The following ATXN7 variants were observed in gnomAD, a reference collection of about 807,000 sequenced individuals.
ATXN7 encodes ataxin-7.
In ATXN7, 12 loss-of-function variants were observed where a neutral mutation model predicts 70.5. That is an observed-to-expected ratio of 0.17 (90% CI 0.11 to 0.28). The LOEUF (loss-of-function observed/expected upper bound fraction) is 0.28, where lower values mean the gene tolerates loss of function less well. Ranked by LOEUF, ATXN7 falls within the 10% of genes least tolerant of loss-of-function variation. ATXN7 has a pLI of 1.00. For synonymous variants in ATXN7, 498 were observed against 448.7 expected, an observed-to-expected ratio of 1.11 and a Z score of -1.39; for missense variants, 1,256 against 1,131.7, an observed-to-expected ratio of 1.11 and a Z score of -1.58.
intron 1 of ATXN7, among the ~76,000 whole-genome samples, chr3:63,884,475 T>TACA (rs1703021098): frequency 1.3e-5 from 2 of 151,998 alleles, no homozygotes; most frequent in Non-Finnish European, 2.9e-5. Context: ...ACAAATAATA[T>TACA]GTGATATAAA....
At chr3:63,924,306 A>G (rs1704619081) in intron 4 of ATXN7, among the ~76,000 whole-genome samples, 2 of 152,168 alleles carry the variant, frequency 1.3e-5, no homozygotes, top group Non-Finnish European at 2.9e-5. Flanking sequence ...GTGGGCATTC[A>G]TGTGCGGCTG....
At chr3:63,919,571 G>A (rs1251639402) in intron 4 of ATXN7, among the ~76,000 whole-genome samples, 1 of 151,996 alleles carries the variant, frequency 6.6e-6, no homozygotes, top group Non-Finnish European at 1.5e-5. Flanking sequence ...GAAGGTTGCT[G>A]TCTTTGTCCA....
chr3:63,908,275 C>T (rs1025641163), intron 2 of ATXN7, among the ~76,000 whole-genome samples: 2 of 152,178 alleles, frequency 1.3e-5, no homozygotes, highest in African/African-American at 4.8e-5. Context: ...TCATGACAAG[C>T]TGTAAGGTAC....
At position 64,002,160 on chromosome 3, in the gene ATXN7, T is replaced by C. The variant is rs1318688941; in HGVS notation, c.*2693T>C. On this transcript the variant is annotated 3_prime_UTR_variant, in exon 13 of 13. Transcript: ENST00000674280. ...AAAATGAATTGTACATATTTAAATA[T>C]GTATTTTTGCACAGGTCTTTTTTTC... 2 of 152,652 alleles carry C rather than the reference T, an allele frequency of 1.3e-5. No homozygotes were observed. Among genetic ancestry groups the C allele is most frequent in the African/African-American group, 4.8e-5 (2 of 41,452 alleles). The allele number at this position is 152,652 out of a possible 1,614,324, so 9.5% of individuals were successfully genotyped here.
At chr3:63,883,496 T>C (rs1011901649) in intron 1 of ATXN7, among the ~76,000 whole-genome samples, 1 of 152,008 alleles carries the variant, frequency 6.6e-6, no homozygotes, top group Non-Finnish European at 1.5e-5. Flanking sequence ...CTCAAGAAGC[T>C]CCAGGCTCTG....
intron 1 of ATXN7, among the ~76,000 whole-genome samples, chr3:63,877,227 T>C (rs759930544): frequency 5.3e-5 from 8 of 152,034 alleles, no homozygotes; most frequent in Non-Finnish European, 1.0e-4. Context: ...TTTTGTTTAA[T>C]TTTTTTTCGT....
At chr3:63,990,632 G>A (rs2106787746) in intron 10 of ATXN7, 106 bp from the exon 11 acceptor site, 3 of 1,542,630 alleles carry the variant, frequency 1.9e-6, no homozygotes, top group Non-Finnish European at 1.8e-6. Flanking sequence ...GTACTCAGAG[G>A]CAGTTCTGTC....
chr3:63,918,292 G>C (rs990532877), intron 4 of ATXN7, among the ~76,000 whole-genome samples: 5 of 152,146 alleles, frequency 3.3e-5, no homozygotes, highest in African/African-American at 1.2e-4. Context: ...GAAAAAAATG[G>C]TTCATGGTTA....
At chr3:63,986,981 T>G (rs1246368415) in intron 8 of ATXN7, among the ~76,000 whole-genome samples, 2 of 152,164 alleles carry the variant, frequency 1.3e-5, no homozygotes, top group Non-Finnish European at 2.9e-5. Flanking sequence ...CCACTGTAGC[T>G]CATGTAAACT....
chr3:63,925,557 C>T (rs948333461), intron 4 of ATXN7, among the ~76,000 whole-genome samples: 1 of 152,148 alleles, frequency 6.6e-6, no homozygotes, highest in African/African-American at 2.4e-5. Flanking sequence ...CCCCCCCAAC[C>T]CTGGTCAGTG....
rs969502986 is a variant in ATXN7, at chr3:64,000,926, A to G, written c.*1459A>G. On this transcript the variant is annotated 3_prime_UTR_variant, in exon 13 of 13. Transcript: ENST00000674280. ...GCTTCCACCACTACAGGCTCCTGAC[A>G]CGAGTAACAGGCACTGTTGCTTAGA... 2 of 151,886 alleles carry G rather than the reference A, an allele frequency of 1.3e-5. No individual in the cohort carries two copies. The highest frequency in any genetic ancestry group is 4.8e-5 in the African/African-American group (2 of 41,340). The allele number at this position is 151,886 out of a possible 1,614,324, so 9.4% of individuals were successfully genotyped here.
intron 1 of ATXN7, among the ~76,000 whole-genome samples, chr3:63,891,086 T>G (rs1031627242): frequency 2.6e-5 from 4 of 152,154 alleles, no homozygotes; most frequent in Admixed American, 6.5e-5. Flanking sequence ...CTCGGCTCAC[T>G]GCAACCTCCA....
intron 1 of ATXN7, chr3:63,867,093 ATGTAAGGAATTT>A (rs1191172477): frequency 6.6e-6 from 1 of 152,166 alleles, no homozygotes; most frequent in Non-Finnish European, 1.5e-5. Flanking sequence ...CTGTGAAATA[ATGTAAGGAATTT>A]TGTACTATGC....
chr3:63,903,656 C>T (rs1033584254), intron 2 of ATXN7: 1 of 152,134 alleles, frequency 6.6e-6, no homozygotes, highest in Admixed American at 6.5e-5. Context: ...AATTTATTGA[C>T]TCTTCATAAG....
chr3:63,869,517 A>G (rs1702536640), intron 1 of ATXN7, among the ~76,000 whole-genome samples: 1 of 151,854 alleles, frequency 6.6e-6, no homozygotes, highest in Non-Finnish European at 1.5e-5. Flanking sequence ...CCTGCCTCCC[A>G]GGGTTCAAGC....
At chr3:63,992,233 C>A (rs868040972) in intron 11 of ATXN7, among the ~76,000 whole-genome samples, 42 of 152,286 alleles carry the variant, frequency 2.8e-4, no homozygotes, top group African/African-American at 9.9e-4. Flanking sequence ...GACTTACATC[C>A]GTTTCCTTAG....
intron 5 of ATXN7, among the ~76,000 whole-genome samples, chr3:63,954,790 C>T (rs1258506689): frequency 6.7e-6 from 1 of 148,730 alleles, no homozygotes; most frequent in African/African-American, 2.5e-5. Flanking sequence ...CTCACTGCAA[C>T]CTCTGCCTCC....
intron 1 of ATXN7, among the ~76,000 whole-genome samples, chr3:63,870,604 C>T (rs140316016): frequency 4.9e-4 from 75 of 152,296 alleles, no homozygotes; most frequent in African/African-American, 1.8e-3. Flanking sequence ...AGTGTTCTCA[C>T]CTTGCCCATT....
chr3:63,912,672 C>T lies in ATXN7; in HGVS notation c.74C>T (p.Ala25Val), dbSNP rs1318123596. 4 of 1,060,248 alleles carry T rather than the reference C, an allele frequency of 3.8e-6. No homozygotes were observed. Among genetic ancestry groups the T allele is most frequent in the Non-Finnish European group, 4.6e-6 (4 of 876,878 alleles). The allele number at this position is 1,060,248 out of a possible 1,614,324, so 65.7% of individuals were successfully genotyped here. Residue 25 changes from alanine (A) to valine (V), a missense_variant, in exon 3 of 13, where the codon GCC (alanine) becomes GTC (valine). Transcript: ENST00000674280. ...GCGGCGGCGGCGGGCGGAGCAGCGG[C>T]CGCGGCCGCCCGGCAGCAGCAGCAG... ...RAAAAAGGAA[A>V]AAARQQQQQQ...
Sources: gnomAD v4.1 joint callset for allele counts (sites outside exome capture counted in the v4.1 genomes callset) on GRCh38, gnomAD v4.1.1 for gene constraint, MANE v1.5 for transcripts, NCBI Gene and HGNC (gene_info 2026-07-23, HGNC 2026-07-21) for gene names.